GRM7: variants seen among roughly 807,000 people sequenced by gnomAD.
GRM7 encodes the protein glutamate metabotropic receptor 7.
A neutral mutation model predicts 84.5 loss-of-function variants in GRM7; 35 were observed. That is an observed-to-expected ratio of 0.41 (90% CI 0.32 to 0.55). GRM7 has a LOEUF of 0.55. GRM7 is among the 20% of genes least tolerant of loss of function. The pLI is 0.19. For synonymous variants in GRM7, 487 were observed against 455.1 expected (o/e 1.07, Z -0.89); for missense variants, 1,003 against 1,194.6 (o/e 0.84, Z 2.36).
chr3:7,061,608 T>C (rs1265914442), intron 1 of GRM7, among the ~76,000 whole-genome samples: 1 of 151,676 alleles, frequency 6.6e-6, no homozygotes, highest in African/African-American at 2.4e-5. Flanking sequence ...ATACATGAGA[T>C]AAATGTCTCA....
Position 7,102,255 on chromosome 3 carries a change from G to A in GRM7, c.520-44197G>A, listed in dbSNP as rs180982501. Among the ~76,000 whole-genome samples, 4 of 151,630 alleles carry A rather than the reference G, an allele frequency of 2.6e-5. No homozygotes were observed. In the Admixed American group the frequency reaches 2.6e-4, roughly 10 times the overall value. ...TTTGTCTGATGATATTTTATTTTCA[G>A]TGTTGTTGTTGTTTGTGTGTTTATT... On this transcript the variant is annotated intron_variant, in intron 1 of 9. Transcript: ENST00000357716.
intron 9 of GRM7, among the ~76,000 whole-genome samples, chr3:7,702,870 T>A (rs1420858804): frequency 6.6e-6 from 1 of 151,970 alleles, no homozygotes; most frequent in African/African-American, 2.4e-5. Flanking sequence ...TTTTAAAAAA[T>A]ACACTGAAAT....
At chr3:7,222,387 G>A (rs1278477039) in intron 2 of GRM7, among the ~76,000 whole-genome samples, 5 of 151,974 alleles carry the variant, frequency 3.3e-5, no homozygotes, top group Non-Finnish European at 7.4e-5. Context: ...TTTGAGATTG[G>A]ATAGAGGGTT....
At chr3:7,029,832 A>G (rs781051849) in intron 1 of GRM7, among the ~76,000 whole-genome samples, 9 of 152,244 alleles carry the variant, frequency 5.9e-5, no homozygotes, top group Admixed American at 3.3e-4. Context: ...CCACTGAACT[A>G]TACTCTTACA....
At chr3:7,344,438 G>A (rs979642900) in intron 4 of GRM7, among the ~76,000 whole-genome samples, 1 of 151,974 alleles carries the variant, frequency 6.6e-6, no homozygotes, top group Admixed American at 6.6e-5. Context: ...TCTTTTTATG[G>A]CTGCATAGTA....
At chr3:7,139,140 A>G (rs1191268770) in intron 1 of GRM7, among the ~76,000 whole-genome samples, 1 of 148,330 alleles carries the variant, frequency 6.7e-6, no homozygotes, top group Admixed American at 6.8e-5. Flanking sequence ...TAGATACTAT[A>G]TGAACCTCTT....
intron 2 of GRM7, among the ~76,000 whole-genome samples, chr3:7,198,999 T>C (rs1472991120): frequency 6.6e-6 from 1 of 152,214 alleles, no homozygotes; most frequent in Non-Finnish European, 1.5e-5. Flanking sequence ...TTTCTGTTAT[T>C]AAAGTGGACT....
chr3:7,269,054 A>G (rs1698755099), intron 2 of GRM7, among the ~76,000 whole-genome samples: 1 of 152,188 alleles, frequency 6.6e-6, no homozygotes, highest in South Asian at 2.1e-4. Flanking sequence ...CTACAATTAC[A>G]GAGTTATAAA....
intron 1 of GRM7, among the ~76,000 whole-genome samples, chr3:7,005,444 A>C (rs542043701): frequency 6.6e-6 from 1 of 152,364 alleles, no homozygotes; most frequent in African/African-American, 2.4e-5. Flanking sequence ...TGGCACCTTT[A>C]AAGTTCTGAA....
Position 7,579,000 on chromosome 3 carries a change from C to A in GRM7, c.2094C>A (p.Ser698Arg). The A allele has an allele frequency of 1.2e-6, 2 of 1,613,996 alleles. No individual in the cohort carries two copies. The highest frequency in any genetic ancestry group is 1.7e-6 in the Non-Finnish European group (2 of 1,179,942). ...KKSVTAPRLI[S>R]PTSQLAITSS... ...CAGTAACAGCTCCCAGACTCATAAG[C>A]CCAACATCACAACTGGCAATCACTT... Residue 698 changes from serine to arginine, a missense_variant, in exon 8 of 10, where the codon AGC (serine) becomes AGA (arginine). Physicochemically the swap from Ser to Arg is moderately radical, Grantham distance 110. Around this residue, in one of 2 missense-constraint regions of GRM7, gnomAD observed 910 missense variants for 1,126.0 expected, o/e 0.81. Transcript: ENST00000357716.
rs544271182 is a variant in GRM7, at chr3:7,651,434, C to T, written c.2452-28615C>T. Among the ~76,000 whole-genome samples the T allele has an allele frequency of 3.3e-5, 5 of 152,312 alleles. No individual in the cohort carries two copies. The South Asian group carries it at 8.3e-4, about 25-fold the overall frequency. ...TGAGAATAAGATGATTATTTATAGG[C>T]TTCTTAATGCCTGTTTTGCTGGACC... On this transcript the variant is annotated intron_variant, in intron 8 of 9. Coordinates refer to ENST00000357716, the MANE Select transcript of GRM7 (RefSeq NM_000844.4).
chr3:7,251,956 A>G (rs981494144), intron 2 of GRM7, among the ~76,000 whole-genome samples: 3 of 152,238 alleles, frequency 2.0e-5, no homozygotes, highest in Non-Finnish European at 2.9e-5. Flanking sequence ...GCCGGAAAAC[A>G]AAGCCTTTTT....
intron 1 of GRM7, among the ~76,000 whole-genome samples, chr3:6,955,113 GTTGACCTTTCT>G (rs1265408664): frequency 1.3e-5 from 2 of 152,342 alleles, no homozygotes; most frequent in Non-Finnish European, 2.9e-5. Context: ...CCCTAGGCAA[GTTGACCTTTCT>G]TTCACATAAA....
At chr3:7,370,312 T>G (rs556235814) in intron 4 of GRM7, among the ~76,000 whole-genome samples, 21 of 152,284 alleles carry the variant, frequency 1.4e-4, no homozygotes, top group African/African-American at 5.1e-4. Context: ...CTCTTATCCA[T>G]GTACCCCACA....
Position 6,893,518 on chromosome 3 carries a change from T to G in GRM7, c.519+31611T>G, listed in dbSNP as rs575057739. On this transcript the variant is annotated intron_variant, in intron 1 of 9. Transcript: ENST00000357716. ...TGTGTTGTTTTCTTTCCTACAGACA[T>G]AAACTGAGCATCCAAAACATGCCCA... is the stretch of plus-strand genomic sequence containing the variant. Among the ~76,000 whole-genome samples, 5 of 152,266 alleles carry G rather than the reference T, an allele frequency of 3.3e-5. No individual in the cohort carries two copies. In the East Asian group the frequency reaches 9.7e-4, roughly 29 times the overall value.
intron 2 of GRM7, among the ~76,000 whole-genome samples, chr3:7,197,035 G>A (rs1695901760): frequency 6.6e-6 from 1 of 152,160 alleles, no homozygotes; most frequent in Non-Finnish European, 1.5e-5. Flanking sequence ...GGAGGTCTTA[G>A]AGCTTGACCA....
chr3:6,864,375 G>A (rs979381559), intron 1 of GRM7, among the ~76,000 whole-genome samples: 2 of 152,102 alleles, frequency 1.3e-5, no homozygotes, highest in African/African-American at 4.8e-5. Context: ...CCCTTTTTGC[G>A]TGTGATCTTA....
In GRM7 at chr3:7,459,826, G is replaced by A. The variant is rs556956917; in HGVS notation, c.1376-1757G>A. On this transcript the variant is annotated intron_variant, in intron 6 of 9. Transcript: ENST00000357716. Reference sequence around the variant, plus strand: ...GTGACAGAGTTGGATTTGTTAACTTGAAGAGTGTGTGAGTATAAGCAAGGG... The same window carrying A: ...GTGACAGAGTTGGATTTGTTAACTTAAAGAGTGTGTGAGTATAAGCAAGGG... Among the ~76,000 whole-genome samples the A allele has an allele frequency of 1.9e-4, 29 of 152,166 alleles. No homozygotes were observed. In the South Asian group the frequency reaches 5.6e-3, roughly 29 times the overall value.
chr3:6,988,402 A>T (rs886616671), intron 1 of GRM7, among the ~76,000 whole-genome samples: 33 of 151,868 alleles, frequency 2.2e-4, no homozygotes, highest in Non-Finnish European at 8.8e-5. Context: ...CAGATACCAG[A>T]TGCATCCAGT....
Sources: gnomAD v4.1 joint callset for allele counts (sites outside exome capture counted in the v4.1 genomes callset) on GRCh38, gnomAD v4.1.1 for gene constraint, gnomAD v4.1.1 regional missense constraint, MANE v1.5 for transcripts, NCBI Gene and HGNC (gene_info 2026-07-23, HGNC 2026-07-21) for gene names.